Variants in ADCY2 observed in about 807,000 individuals in gnomAD.
ADCY2 encodes the protein adenylate cyclase 2.
ADCY2 carries 31 observed loss-of-function variants against 125.2 expected under a neutral mutation model. The observed-to-expected ratio is 0.25, with a 90% CI of 0.19 to 0.33. The LOEUF (loss-of-function observed/expected upper bound fraction) is 0.33, where lower values mean the gene tolerates loss of function less well. Ranked by LOEUF, ADCY2 falls within the 10% of genes least tolerant of loss-of-function variation. The pLI is 1.00. For synonymous variants in ADCY2, 512 were observed against 548.4 expected (o/e 0.93, Z 0.93); for missense variants, 904 against 1,418.2 (o/e 0.64, Z 5.82).
At chr5:7,636,421 T>C (rs1436006608) in intron 4 of ADCY2, among the ~76,000 whole-genome samples, 1 of 152,204 alleles carries the variant, frequency 6.6e-6, no homozygotes. Context: ...AGAAGGTCAG[T>C]GTGGGTGGGA....
chr5:7,429,008 G>T (rs1186027149), intron 2 of ADCY2, among the ~76,000 whole-genome samples: 1 of 85,370 alleles, frequency 1.2e-5, no homozygotes, highest in Non-Finnish European at 2.5e-5. Flanking sequence ...TATGAGAAGA[G>T]TTGCACAGAG....
chr5:7,658,026 G>A (rs1453547133), intron 4 of ADCY2: 3 of 152,196 alleles, frequency 2.0e-5, no homozygotes, highest in East Asian at 3.9e-4. Context: ...CCTTCCTCAG[G>A]TCTCCAGTGG....
chr5:7,730,552 T>C (rs1374774239), intron 14 of ADCY2, among the ~76,000 whole-genome samples: 1 of 152,142 alleles, frequency 6.6e-6, no homozygotes, highest in Non-Finnish European at 1.5e-5. Context: ...TTTGTTAGGG[T>C]TTTTGGAGGG....
At chr5:7,459,363 A>AGGGGTGTCTTGC (rs1377624323) in intron 2 of ADCY2, among the ~76,000 whole-genome samples, 1 of 152,198 alleles carries the variant, frequency 6.6e-6, no homozygotes, top group Non-Finnish European at 1.5e-5. Flanking sequence ...GAGAACAGTC[A>AGGGGTGTCTTGC]GGGGTGTCTT....
rs75056273 is a variant in ADCY2, at chr5:7,484,978, T to C, written c.409-35760T>C. Among the ~76,000 whole-genome samples, 434 of 152,276 alleles carry C rather than the reference T, an allele frequency of 2.9e-3. 16 individuals are homozygous for C. The East Asian group carries it at 0.072, about 25-fold the overall frequency. On this transcript the variant is annotated intron_variant, in intron 2 of 24. Coordinates refer to ENST00000338316, the MANE Select transcript of ADCY2 (RefSeq NM_020546.3). Reference sequence around the variant, plus strand: ...GTCTTCCGTAGACCCCATGCCAATCTGGAGTGGATGACATCAGAAAGGAGG... The same window carrying C: ...GTCTTCCGTAGACCCCATGCCAATCCGGAGTGGATGACATCAGAAAGGAGG...
intron 2 of ADCY2, among the ~76,000 whole-genome samples, chr5:7,423,601 T>A (rs969761521): frequency 2.0e-5 from 3 of 152,204 alleles, no homozygotes; most frequent in African/African-American, 7.2e-5. Context: ...GTGAGGCCTT[T>A]CCAGCCATGT....
intron 16 of ADCY2, among the ~76,000 whole-genome samples, chr5:7,758,977 A>C (rs1262644894): frequency 6.6e-6 from 1 of 152,178 alleles, no homozygotes; most frequent in Non-Finnish European, 1.5e-5. Flanking sequence ...ATTCCTCTCA[A>C]ACACCTGCAG....
At chr5:7,562,922 C>T (rs529740776) in intron 3 of ADCY2, among the ~76,000 whole-genome samples, 209 of 152,226 alleles carry the variant, frequency 1.4e-3, no homozygotes, top group African/African-American at 4.9e-3. Flanking sequence ...AGGAAAATGG[C>T]AAGACATTCT....
chr5:7,803,031 T>A (rs1579454544), intron 21 of ADCY2, among the ~76,000 whole-genome samples: 1 of 152,174 alleles, frequency 6.6e-6, no homozygotes, highest in Non-Finnish European at 1.5e-5. Context: ...ATTCATGGAA[T>A]TTTGAAATAC....
At chr5:7,451,641 T>TTACCCACACA (rs1741473451) in intron 2 of ADCY2, among the ~76,000 whole-genome samples, 2 of 152,198 alleles carry the variant, frequency 1.3e-5, no homozygotes, top group Non-Finnish European at 2.9e-5. Flanking sequence ...TTGAAGGAAG[T>TTACCCACACA]TCTAGTGTGG....
At chr5:7,772,015 A>G (rs536181142) in intron 17 of ADCY2, among the ~76,000 whole-genome samples, 44 of 152,320 alleles carry the variant, frequency 2.9e-4, no homozygotes, top group African/African-American at 1.0e-3. Context: ...TCCCTGCAGC[A>G]AGTCCCTCCT....
intron 22 of ADCY2, among the ~76,000 whole-genome samples, chr5:7,805,251 G>A (rs1483427404): frequency 2.0e-5 from 3 of 152,064 alleles, no homozygotes; most frequent in Non-Finnish European, 4.4e-5. Context: ...AGCCTGGGAG[G>A]TGGAGGTTGC....
intron 2 of ADCY2, among the ~76,000 whole-genome samples, chr5:7,440,743 A>G (rs1479949586): frequency 1.3e-5 from 2 of 152,234 alleles, no homozygotes; most frequent in Admixed American, 1.3e-4. Flanking sequence ...ATGATTTTCA[A>G]AATGTCAAAA....
At chr5:7,657,067 G>A (rs998383053) in intron 4 of ADCY2, among the ~76,000 whole-genome samples, 2 of 152,202 alleles carry the variant, frequency 1.3e-5, no homozygotes, top group South Asian at 4.1e-4. Flanking sequence ...TGTATAAGAT[G>A]TATATGCAAA....
intron 2 of ADCY2, among the ~76,000 whole-genome samples, chr5:7,422,787 T>A (rs563471060): frequency 6.6e-6 from 1 of 152,342 alleles, no homozygotes; most frequent in Non-Finnish European, 1.5e-5. Context: ...AAATAGGACA[T>A]CAGTGTGCAA....
chr5:7,473,994 T>A (rs1425248769), intron 2 of ADCY2, among the ~76,000 whole-genome samples: 1 of 152,214 alleles, frequency 6.6e-6, no homozygotes, highest in Non-Finnish European at 1.5e-5. Flanking sequence ...AATGAGTCAG[T>A]ATTCATGCCA....
chr5:7,825,226 CGACAACGCTGCTGTGTGACAT>C lies in ADCY2; in HGVS notation c.3124-1475_3124-1455del, dbSNP rs1745435649. 1.8e-4 allele frequency among the ~76,000 whole-genome samples: 26 copies of C among 146,264 alleles called. 1 individual carries two copies. In the South Asian group the frequency reaches 5.3e-3, roughly 30 times the overall value. ...GCCACGACAACGCTGCTGTGCGCCA[CGACAACGCTGCTGTGTGACAT>C]GACAACGCTGCTGTGTGCCATGACA... On this transcript the variant is annotated intron_variant, in intron 24 of 24. Transcript: ENST00000338316.
intron 19 of ADCY2, among the ~76,000 whole-genome samples, chr5:7,788,815 A>G (rs936215125): frequency 1.5e-4 from 23 of 152,182 alleles, no homozygotes; most frequent in Non-Finnish European, 2.9e-4. Flanking sequence ...TCAATAAGTG[A>G]CTATCTGTGT....
chr5:7,401,529 T>C (rs1739264649), intron 1 of ADCY2, among the ~76,000 whole-genome samples: 1 of 152,232 alleles, frequency 6.6e-6, no homozygotes, highest in Non-Finnish European at 1.5e-5. Flanking sequence ...GAGTTACCTT[T>C]TAATGTTTTT....
Sources: gnomAD v4.1 joint callset for allele counts (sites outside exome capture counted in the v4.1 genomes callset) on GRCh38, gnomAD v4.1.1 for gene constraint, MANE v1.5 for transcripts, NCBI Gene and HGNC (gene_info 2026-07-23, HGNC 2026-07-21) for gene names.